ITGBL1: variants seen among roughly 807,000 people sequenced by gnomAD.
ITGBL1 encodes the protein integrin beta-like protein 1.
In ITGBL1, 51 loss-of-function variants were observed where a neutral mutation model predicts 68.5. The observed-to-expected ratio is 0.74, with a 90% CI of 0.59 to 0.94. ITGBL1 has a LOEUF of 0.94. Ranked by LOEUF, ITGBL1 falls within the 40% of genes least tolerant of loss-of-function variation. ITGBL1 has a pLI of 0.00. For missense variants in ITGBL1, 649 were observed against 647.4 expected, an observed-to-expected ratio of 1.00 and a Z score of -0.03; for synonymous variants, 209 against 227.3, an observed-to-expected ratio of 0.92 and a Z score of 0.72.
At chr13:101,551,120 T>G in intron 2 of ITGBL1, among the ~76,000 whole-genome samples, 1 of 151,158 alleles carries the variant, frequency 6.6e-6, no homozygotes. Context: ...ATGGGGAGGG[T>G]AGGAGAAAGA....
intron 2 of ITGBL1, among the ~76,000 whole-genome samples, chr13:101,539,873 T>C (rs921729372): frequency 2.0e-5 from 3 of 152,242 alleles, no homozygotes; most frequent in Non-Finnish European, 2.9e-5. Context: ...TCTGTTCATA[T>C]ACTTCACCCA....
At chr13:101,507,939 G>A (rs2049052371) in intron 2 of ITGBL1, among the ~76,000 whole-genome samples, 1 of 152,090 alleles carries the variant, frequency 6.6e-6, no homozygotes, top group Non-Finnish European at 1.5e-5. Context: ...CTTTTCTTGT[G>A]TATTTTTGTA....
chr13:101,630,105 A>G (rs1362039534), intron 7 of ITGBL1, among the ~76,000 whole-genome samples: 1 of 152,162 alleles, frequency 6.6e-6, no homozygotes, highest in Non-Finnish European at 1.5e-5. Context: ...TACAAGCTTG[A>G]GCCACCGCGC....
chr13:101,593,507 A>T (rs1594912138), intron 6 of ITGBL1, among the ~76,000 whole-genome samples: 1 of 152,112 alleles, frequency 6.6e-6, no homozygotes, highest in African/African-American at 2.4e-5. Context: ...TAGTCAAGAT[A>T]TGGAATCAAC....
Position 101,545,420 on chromosome 13 carries a change from T to C in ITGBL1, c.317-22279T>C, listed in dbSNP as rs545754033. Among the ~76,000 whole-genome samples, 8 of 151,588 alleles carry C rather than the reference T, an allele frequency of 5.3e-5. No homozygotes were observed. The South Asian group carries it at 1.3e-3, about 24-fold the overall frequency. ...GTTACACCAATGAGTAGAGAGAAAA[T>C]AATATAGAAGGAAAAAAGGGAAATC... On this transcript the variant is annotated intron_variant, in intron 2 of 10. Coordinates refer to ENST00000376180, the MANE Select transcript of ITGBL1 (RefSeq NM_004791.3).
intron 2 of ITGBL1, among the ~76,000 whole-genome samples, chr13:101,460,661 G>C (rs74457181): frequency 6.6e-6 from 1 of 152,176 alleles, no homozygotes; most frequent in Admixed American, 6.5e-5. Flanking sequence ...AAAGGAAAGA[G>C]GTTTATTTGG....
chr13:101,556,774 C>G (rs2050014213), intron 2 of ITGBL1, among the ~76,000 whole-genome samples: 1 of 152,078 alleles, frequency 6.6e-6, no homozygotes, highest in Non-Finnish European at 1.5e-5. Context: ...CTGCCAGAAG[C>G]CAAAATAAGG....
At chr13:101,556,957 T>G (rs2050017206) in intron 2 of ITGBL1, among the ~76,000 whole-genome samples, 1 of 152,168 alleles carries the variant, frequency 6.6e-6, no homozygotes, top group Non-Finnish European at 1.5e-5. Context: ...GATTAAATAG[T>G]TGCCTAAAGT....
At chr13:101,589,549 T>A (rs1348582685) in intron 6 of ITGBL1, among the ~76,000 whole-genome samples, 1 of 152,214 alleles carries the variant, frequency 6.6e-6, no homozygotes, top group African/African-American at 2.4e-5. Flanking sequence ...AGAAGACATA[T>A]CAGTGGATGA....
intron 2 of ITGBL1, among the ~76,000 whole-genome samples, chr13:101,539,046 GCTT>G (rs1403249722): frequency 3.4e-4 from 39 of 113,370 alleles, no homozygotes; most frequent in African/African-American, 1.2e-3. Flanking sequence ...ATGCTGTGCT[GCTT>G]CTTTTTTTTT....
At chr13:101,552,396 C>T (rs566599009) in intron 2 of ITGBL1, among the ~76,000 whole-genome samples, 32 of 152,160 alleles carry the variant, frequency 2.1e-4, no homozygotes, top group African/African-American at 7.5e-4. Flanking sequence ...CCATGAATTG[C>T]TTTGTAAATC....
At chr13:101,555,660 T>C (rs1010018029) in intron 2 of ITGBL1, among the ~76,000 whole-genome samples, 2 of 142,726 alleles carry the variant, frequency 1.4e-5, no homozygotes, top group African/African-American at 5.3e-5. Flanking sequence ...TGTATGTGTA[T>C]ATATATGCAT....
intron 7 of ITGBL1, among the ~76,000 whole-genome samples, chr13:101,603,702 T>A (rs1190711588): frequency 6.6e-6 from 1 of 151,094 alleles, no homozygotes; most frequent in Non-Finnish European, 1.5e-5. Context: ...AAAAAAAATG[T>A]GTGTGTATTT....
intron 3 of ITGBL1, among the ~76,000 whole-genome samples, chr13:101,572,486 A>G (rs1403508415): frequency 6.6e-6 from 1 of 152,032 alleles, no homozygotes; most frequent in Non-Finnish European, 1.5e-5. Flanking sequence ...AGTCAGTTCT[A>G]TTGGGCACTA....
chr13:101,529,536 A>G (rs962629095), intron 2 of ITGBL1, among the ~76,000 whole-genome samples: 1 of 152,186 alleles, frequency 6.6e-6, no homozygotes, highest in African/African-American at 2.4e-5. Context: ...TATTTTTGGC[A>G]AGTATAGTTT....
At chr13:101,568,987 G>A (rs2050225995) in intron 3 of ITGBL1, among the ~76,000 whole-genome samples, 1 of 144,574 alleles carries the variant, frequency 6.9e-6, no homozygotes, top group Admixed American at 7.1e-5. Context: ...TTCTTAGTAG[G>A]ATTTCTCTAC....
chr13:101,673,637 A>T (rs1018035043), intron 7 of ITGBL1, among the ~76,000 whole-genome samples: 3 of 152,240 alleles, frequency 2.0e-5, no homozygotes, highest in African/African-American at 7.2e-5. Context: ...CAATATTATT[A>T]CATAAACTAG....
intron 2 of ITGBL1, among the ~76,000 whole-genome samples, chr13:101,552,079 C>G (rs1386036562): frequency 6.6e-6 from 1 of 152,150 alleles, no homozygotes; most frequent in Non-Finnish European, 1.5e-5. Context: ...TAAATGGCTT[C>G]AAAACAGCTG....
At chr13:101,541,623 G>C (rs1255756408) in intron 2 of ITGBL1, among the ~76,000 whole-genome samples, 27 of 148,108 alleles carry the variant, frequency 1.8e-4, no homozygotes. Flanking sequence ...AGTTTCAGAA[G>C]GAATGGTACC....
Sources: allele counts gnomAD v4.1 joint callset (sites outside exome capture counted in the v4.1 genomes callset), GRCh38; gene constraint gnomAD v4.1.1; transcripts MANE v1.5; gene names NCBI Gene and HGNC (gene_info 2026-07-23, HGNC 2026-07-21).